UNC13C: variants seen among roughly 807,000 people sequenced by gnomAD.
The protein encoded by UNC13C is protein unc-13 homolog C.
Under a neutral mutation model 245.4 loss-of-function variants are expected in UNC13C, and 174 were observed. The observed-to-expected ratio is 0.71, with a 90% confidence interval of 0.63 to 0.80. The LOEUF (loss-of-function observed/expected upper bound fraction) is 0.80. Among genes scored for constraint, UNC13C ranks in the 30% least tolerant of loss-of-function variants. The pLI, the probability that UNC13C is intolerant of heterozygous loss-of-function variation, is 0.00. For synonymous variants in UNC13C, 992 were observed against 895.1 expected (o/e 1.11, Z -1.93); for missense variants, 2,829 against 2,602.9 (o/e 1.09, Z -1.89).
At chr15:54,278,031 G>T (rs1209263507) in intron 10 of UNC13C, among the ~76,000 whole-genome samples, 1 of 152,066 alleles carries the variant, frequency 6.6e-6, no homozygotes, top group East Asian at 1.9e-4. Flanking sequence ...ATGGAAAAGG[G>T]ATCAGCGTGG....
chr15:54,577,907 A>G lies in UNC13C; in HGVS notation c.6106+9960A>G, dbSNP rs533333411. Among the ~76,000 whole-genome samples the G allele has an allele frequency of 5.5e-4, 84 of 152,336 alleles. 1 individual carries two copies. The highest frequency in any genetic ancestry group is 1.8e-3 in the African/African-American group (75 of 41,580). ...ACTCCTTCATATGGGTCAAAGATTA[A>G]CATGTTGAAATAAGCATTTCAAGTA... On this transcript the variant is annotated intron_variant, in intron 30 of 32. Coordinates refer to ENST00000260323, the MANE Select transcript of UNC13C (RefSeq NM_001080534.3).
chr15:54,434,862 C>T (rs192524797), intron 19 of UNC13C, among the ~76,000 whole-genome samples: 19 of 151,600 alleles, frequency 1.3e-4, no homozygotes, highest in Admixed American at 4.0e-4. Context: ...ATCCAGAAAC[C>T]GCAAAGAACT....
At chr15:53,924,113 A>G in the UNC13C span, among the ~76,000 whole-genome samples, 16 of 152,266 alleles carry the variant, frequency 1.1e-4, no homozygotes, top group East Asian at 2.7e-3. Context: ...AGGCTGACAC[A>G]GGAGTATCGC....
At chr15:54,047,943 A>G (rs1237876461) in intron 2 of UNC13C, among the ~76,000 whole-genome samples, 1 of 152,214 alleles carries the variant, frequency 6.6e-6, no homozygotes, top group Admixed American at 6.5e-5. Flanking sequence ...ACACAGGCAT[A>G]TCGTAAGTAT....
chr15:54,376,406 GA>G (rs901672074), intron 17 of UNC13C, among the ~76,000 whole-genome samples: 2 of 152,040 alleles, frequency 1.3e-5, no homozygotes, highest in African/African-American at 4.8e-5. Flanking sequence ...AACATAGCCA[GA>G]AAAAGCATAT....
intron 7 of UNC13C, among the ~76,000 whole-genome samples, chr15:54,238,953 G>T (rs1298480132): frequency 2.6e-5 from 4 of 152,102 alleles, no homozygotes; most frequent in Non-Finnish European, 5.9e-5. Context: ...GGTGTAGTTT[G>T]GGTGAAAGCG....
intron 30 of UNC13C, among the ~76,000 whole-genome samples, chr15:54,618,876 T>A: frequency 6.6e-6 from 1 of 152,146 alleles, no homozygotes; most frequent in South Asian, 2.1e-4. Flanking sequence ...CGGAAAAAGT[T>A]AAAATTCCAC....
At chr15:54,042,813 A>T (rs1385157973) in intron 2 of UNC13C, among the ~76,000 whole-genome samples, 1 of 152,126 alleles carries the variant, frequency 6.6e-6, no homozygotes, top group Non-Finnish European at 1.5e-5. Context: ...AGATCGTGCC[A>T]CTGCACTCCA....
chr15:54,044,819 C>G (rs1232769976), intron 2 of UNC13C, among the ~76,000 whole-genome samples: 1 of 152,076 alleles, frequency 6.6e-6, no homozygotes, highest in African/African-American at 2.4e-5. Flanking sequence ...TTGCCTTTCT[C>G]TAATTACTAA....
At chr15:54,063,312 A>G (rs1330507805) in intron 2 of UNC13C, among the ~76,000 whole-genome samples, 1 of 152,154 alleles carries the variant, frequency 6.6e-6, no homozygotes, top group East Asian at 1.9e-4. Context: ...ACACACACGA[A>G]GCTGAGTAAG....
At chr15:54,192,898 CCACA>C (rs71436273) in intron 4 of UNC13C, among the ~76,000 whole-genome samples, 9 of 148,122 alleles carry the variant, frequency 6.1e-5, no homozygotes, top group South Asian at 2.1e-4. Context: ...TTTCTCTGTG[CCACA>C]CACACACACA....
chr15:53,995,974 G>A (rs531743265), intron 1 of UNC13C, among the ~76,000 whole-genome samples: 2 of 152,260 alleles, frequency 1.3e-5, no homozygotes, highest in East Asian at 1.9e-4. Flanking sequence ...AAGGACGGCC[G>A]AAGGCTCTTG....
intron 17 of UNC13C, among the ~76,000 whole-genome samples, chr15:54,354,388 G>A (rs144705342): frequency 4.9e-4 from 74 of 152,154 alleles, no homozygotes; most frequent in African/African-American, 1.7e-3. Flanking sequence ...TTTTTGATTC[G>A]GTGCTGCTTC....
intron 19 of UNC13C, among the ~76,000 whole-genome samples, chr15:54,481,644 TG>T (rs1267429271): frequency 6.6e-6 from 1 of 151,942 alleles, no homozygotes; most frequent in East Asian, 1.9e-4. Flanking sequence ...GCTTGGGTTT[TG>T]GGGGGTTTAT....
chr15:54,113,755 G>A (rs1380243221), intron 2 of UNC13C, among the ~76,000 whole-genome samples: 1 of 152,098 alleles, frequency 6.6e-6, no homozygotes, highest in Non-Finnish European at 1.5e-5. Flanking sequence ...GAACCTGGAA[G>A]GCAGAGGTTG....
the UNC13C span, among the ~76,000 whole-genome samples, chr15:53,851,785 A>C: frequency 5.3e-5 from 8 of 152,160 alleles, no homozygotes; most frequent in African/African-American, 1.9e-4. Flanking sequence ...CGAAGTCTCC[A>C]TAGAAGCCCA....
At chr15:54,330,847 G>A (rs1217550957) in intron 14 of UNC13C, among the ~76,000 whole-genome samples, 2 of 151,954 alleles carry the variant, frequency 1.3e-5, no homozygotes, top group Non-Finnish European at 2.9e-5. Flanking sequence ...GTCTTAACCT[G>A]CCTAAGAAGA....
At chr15:53,972,513 G>C in the UNC13C span, among the ~76,000 whole-genome samples, 1 of 152,166 alleles carries the variant, frequency 6.6e-6, no homozygotes, top group Non-Finnish European at 1.5e-5. Flanking sequence ...TAGGCAGTTA[G>C]GTGGAAAGGT....
At chr15:54,292,934 ATC>A (rs1167317922) in intron 10 of UNC13C, among the ~76,000 whole-genome samples, 2 of 148,532 alleles carry the variant, frequency 1.3e-5, no homozygotes, top group East Asian at 1.9e-4. Flanking sequence ...AGAGATAGAT[ATC>A]TATATCTATC....
Sources: allele counts gnomAD v4.1 joint callset (sites outside exome capture counted in the v4.1 genomes callset), GRCh38; gene constraint gnomAD v4.1.1; transcripts MANE v1.5; gene names NCBI Gene and HGNC (gene_info 2026-07-23, HGNC 2026-07-21).